Variants in ARID1A observed in about 807,000 individuals in gnomAD.
The protein encoded by ARID1A is AT-rich interactive domain-containing protein 1A.
A neutral mutation model predicts 212.6 loss-of-function variants in ARID1A; 20 were observed. That is an observed-to-expected ratio of 0.09 (90% CI 0.07 to 0.14). The LOEUF is 0.14. Ranked by LOEUF, ARID1A falls within the 10% of genes least tolerant of loss-of-function variation. The pLI is 1.00. For missense variants in ARID1A, 2,587 were observed against 3,059.0 expected, an observed-to-expected ratio of 0.85 and a Z score of 3.64; for synonymous variants, 1,376 against 1,222.1, an observed-to-expected ratio of 1.13 and a Z score of -2.63.
At chr1:26,719,000 A>G (rs1412096076) in intron 1 of ARID1A, among the ~76,000 whole-genome samples, 2 of 152,202 alleles carry the variant, frequency 1.3e-5, no homozygotes, top group African/African-American at 4.8e-5. Context: ...ACCGTGGGTA[A>G]CTGAAACCTT....
intron 1 of ARID1A, among the ~76,000 whole-genome samples, chr1:26,709,797 A>C (rs1329389762): frequency 6.6e-6 from 1 of 150,442 alleles, no homozygotes; most frequent in Non-Finnish European, 1.5e-5. Flanking sequence ...AGCTACAAGC[A>C]CATGTCACTA....
intron 1 of ARID1A, among the ~76,000 whole-genome samples, chr1:26,714,272 G>C (rs2080480678): frequency 7.3e-6 from 1 of 137,160 alleles, no homozygotes; most frequent in South Asian, 2.3e-4. Flanking sequence ...TGGTGTAGAT[G>C]AGGTTGGTAT....
At chr1:26,756,116 A>G (rs2080933896) in intron 4 of ARID1A, among the ~76,000 whole-genome samples, 1 of 151,924 alleles carries the variant, frequency 6.6e-6, no homozygotes, top group Non-Finnish European at 1.5e-5. Flanking sequence ...TACATGTCCA[A>G]AGATACACAC....
intron 4 of ARID1A, among the ~76,000 whole-genome samples, chr1:26,740,578 A>G (rs746346799): frequency 8.5e-5 from 13 of 152,208 alleles, no homozygotes; most frequent in Non-Finnish European, 1.6e-4. Context: ...GGGAAGTAAC[A>G]GGAAGGAAAG....
chr1:26,713,624 T>C (rs1447637321), intron 1 of ARID1A, among the ~76,000 whole-genome samples: 1 of 152,178 alleles, frequency 6.6e-6, no homozygotes, highest in Non-Finnish European at 1.5e-5. Flanking sequence ...CCTCCCAGAG[T>C]GCTGGGATTA....
chr1:26,717,605 C>G (rs183694669), intron 1 of ARID1A, among the ~76,000 whole-genome samples: 1 of 152,274 alleles, frequency 6.6e-6, no homozygotes, highest in East Asian at 1.9e-4. Flanking sequence ...AGAAACTTAG[C>G]ACTTGTGTAG....
At chr1:26,763,311 G>A (rs2124070945) in intron 8 of ARID1A, 26 bp downstream of exon 8, 1 of 1,559,248 alleles carries the variant, frequency 6.4e-7, no homozygotes, top group Non-Finnish European at 8.7e-7. Context: ...CAGAGAGGGT[G>A]TCAGTGCAAG....
chr1:26,709,996 T>C (rs1185507813), intron 1 of ARID1A, among the ~76,000 whole-genome samples: 2 of 151,444 alleles, frequency 1.3e-5, no homozygotes, highest in African/African-American at 4.8e-5. Flanking sequence ...CACGCCTGGC[T>C]AATTTTTGTA....
At chr1:26,703,572 A>G (rs2080358595) in intron 1 of ARID1A, among the ~76,000 whole-genome samples, 1 of 149,306 alleles carries the variant, frequency 6.7e-6, no homozygotes. Flanking sequence ...CAGCTAACTT[A>G]CTACCAAAGG....
chr1:26,766,418 TAA>T, intron 9 of ARID1A, 37 bp from the exon 10 acceptor site: 1 of 1,613,982 alleles, frequency 6.2e-7, no homozygotes, highest in East Asian at 2.2e-5. Flanking sequence ...ACATCACAGC[TAA>T]ACTTACTGGA....
At chr1:26,751,187 GGAGATTGCAGTGAGCT>G (rs1378021636) in intron 4 of ARID1A, among the ~76,000 whole-genome samples, 3 of 151,898 alleles carry the variant, frequency 2.0e-5, no homozygotes, top group Non-Finnish European at 4.4e-5. Context: ...CCTGGGAGGC[GGAGATTGCAGTGAGCT>G]GAGATTGCAC....
Position 26,729,720 on chromosome 1 carries a change from C to G in ARID1A, c.1207C>G (p.Gln403Glu). The G allele has an allele frequency of 6.2e-7, 1 of 1,614,220 alleles. No individual in the cohort carries two copies. The change falls in exon 2 of 20, where the codon CAG (glutamine) becomes GAG (glutamate). Residue 403 changes from glutamine to glutamate, a missense_variant. By Grantham distance (29) the Gln-to-Glu change is conservative. Around this residue, in one of 11 missense-constraint regions of ARID1A, gnomAD observed 674 missense variants for 813.4 expected, o/e 0.83. Transcript: ENST00000324856. ...QPYGGTNPYS[Q>E]QQGPPSGPQQ... ...ATATGGCGGGACTAACCCATACTCG[C>G]AGCAACAGGGACCTCCGTCAGGACC...
chr1:26,734,238 G>A (rs961034606), intron 4 of ARID1A, among the ~76,000 whole-genome samples: 1 of 152,026 alleles, frequency 6.6e-6, no homozygotes, highest in African/African-American at 2.4e-5. Context: ...GTGCTATTGT[G>A]TCAAGAACCC....
chr1:26,769,448 G>A (rs2081065739), intron 11 of ARID1A: 1 of 152,236 alleles, frequency 6.6e-6, no homozygotes, highest in Non-Finnish European at 1.5e-5. Context: ...AGGATTAGTA[G>A]GGTTTAGGTG....
intron 1 of ARID1A, among the ~76,000 whole-genome samples, chr1:26,705,528 C>T (rs1399540500): frequency 1.3e-5 from 2 of 151,560 alleles, no homozygotes; most frequent in Non-Finnish European, 2.9e-5. Context: ...TTAGAAATAC[C>T]TTTTCCACTT....
intron 1 of ARID1A, among the ~76,000 whole-genome samples, chr1:26,715,107 G>T (rs1010056273): frequency 3.9e-5 from 6 of 152,220 alleles, no homozygotes; most frequent in Non-Finnish European, 8.8e-5. Context: ...AAAATAAAAA[G>T]AATGGGAGAA....
At chr1:26,775,957 G>A (rs1289712031) in intron 19 of ARID1A, 2 of 627,728 alleles carry the variant, frequency 3.2e-6, no homozygotes, top group East Asian at 3.3e-5. Context: ...TGTGGTATTA[G>A]TAAGAATTCA....
At position 26,761,367 on chromosome 1, in the gene ARID1A, T is replaced by C; in HGVS notation, c.2162-17T>C. ...GCTTAGCCATGATATGCTTATGTTG[T>C]TCTTTGTCTGGAGCAGGCAACCAGA... On this transcript the variant is annotated splice_polypyrimidine_tract_variant and intron_variant, in intron 5 of 19. Transcript: ENST00000324856. 1 of 1,613,790 alleles carries C rather than the reference T, an allele frequency of 6.2e-7. No individual in the cohort carries two copies. The highest frequency in any genetic ancestry group is 8.5e-7 in the Non-Finnish European group (1 of 1,179,682).
chr1:26,700,847 T>C (rs1473778795), intron 1 of ARID1A, among the ~76,000 whole-genome samples: 4 of 152,204 alleles, frequency 2.6e-5, no homozygotes, highest in African/African-American at 9.6e-5. Flanking sequence ...GAGATGGCAC[T>C]TTAGTTGTGG....
Sources: gnomAD v4.1 joint callset for allele counts (sites outside exome capture counted in the v4.1 genomes callset) on GRCh38, gnomAD v4.1.1 for gene constraint, gnomAD v4.1.1 regional missense constraint, MANE v1.5 for transcripts, NCBI Gene and HGNC (gene_info 2026-07-23, HGNC 2026-07-21) for gene names.